NRXN3: variants seen among roughly 807,000 people sequenced by gnomAD.
NRXN3 encodes neurexin III.
A neutral mutation model predicts 137.6 loss-of-function variants in NRXN3; 32 were observed. The ratio of observed to expected loss-of-function variants is 0.23; its 90% CI spans 0.18 to 0.31. The LOEUF is 0.31. Among genes scored for constraint, NRXN3 ranks in the 10% least tolerant of loss-of-function variants. NRXN3 has a pLI of 1.00. For missense variants in NRXN3, 1,574 were observed against 2,062.5 expected, an observed-to-expected ratio of 0.76 and a Z score of 4.59; for synonymous variants, 798 against 784.5, an observed-to-expected ratio of 1.02 and a Z score of -0.29.
At chr14:79,034,950 A>T (rs1335840689) in intron 15 of NRXN3, among the ~76,000 whole-genome samples, 1 of 152,114 alleles carries the variant, frequency 6.6e-6, no homozygotes, top group Non-Finnish European at 1.5e-5. Context: ...ATCATCTGTG[A>T]GATTAACTTT....
intron 10 of NRXN3, among the ~76,000 whole-genome samples, chr14:78,812,505 T>G (rs1166127200): frequency 6.6e-6 from 1 of 152,194 alleles, no homozygotes; most frequent in Non-Finnish European, 1.5e-5. Context: ...ATATCAGAAT[T>G]TGCTTTTGCT....
intron 6 of NRXN3, among the ~76,000 whole-genome samples, chr14:78,660,836 C>T (rs1161244945): frequency 2.0e-5 from 3 of 152,144 alleles, no homozygotes. Context: ...AGCAGAATTC[C>T]TCATGTTCCT....
chr14:79,833,276 T>C (rs564226499), intron 20 of NRXN3, among the ~76,000 whole-genome samples: 1 of 152,270 alleles, frequency 6.6e-6, no homozygotes, highest in East Asian at 1.9e-4. Flanking sequence ...AGGCAAATTT[T>C]AGATTCGACT....
chr14:78,710,009 T>C (rs1026816471), intron 7 of NRXN3: 22 of 242,236 alleles, frequency 9.1e-5, no homozygotes, highest in African/African-American at 4.7e-4. Flanking sequence ...TTTTTCCTCA[T>C]CACCATGGAA....
At chr14:79,528,536 T>C (rs1006507896) in intron 16 of NRXN3, among the ~76,000 whole-genome samples, 4 of 152,144 alleles carry the variant, frequency 2.6e-5, no homozygotes, top group Admixed American at 6.5e-5. Flanking sequence ...TGGAATGATA[T>C]ATGTGTGTGT....
rs138638481 is a variant in NRXN3, at chr14:78,734,634, T to C, written c.2044+19495T>C. Among the ~76,000 whole-genome samples, 11 of 152,294 alleles carry C rather than the reference T, an allele frequency of 7.2e-5. No individual in the cohort carries two copies. The East Asian group carries it at 2.1e-3, about 29-fold the overall frequency. ...GAGAAGTATGGAGAGCCAGCCCTAG[T>C]TGAGGGGTGATCAGGGAAACAGCTC... is the stretch of plus-strand genomic sequence containing the variant. On this transcript the variant is annotated intron_variant, in intron 8 of 20. Transcript: ENST00000335750.
In NRXN3 at chr14:79,437,051, G is replaced by A. The variant is rs2095856350; in HGVS notation, c.3263-30170G>A. On this transcript the variant is annotated intron_variant, in intron 15 of 20. Coordinates refer to ENST00000335750, the MANE Select transcript of NRXN3 (RefSeq NM_001330195.2). ...TCTCCATGAATCACTAATCCATGGT[G>A]CTTAGTAGCATGTCAAAGGCCCTTC... 2.0e-5 allele frequency among the ~76,000 whole-genome samples: 3 copies of A among 152,054 alleles called. No homozygotes were observed. The South Asian group carries it at 6.2e-4, about 32-fold the overall frequency.
Position 79,866,068 on chromosome 14 carries a change from A to G in NRXN3, c.*4104A>G, listed in dbSNP as rs1320434285. ...TATTGGCTATTGTTACTTTGTTTCA[A>G]TGAAGGCAGAAAATGGCTAGAAGGA... On this transcript the variant is annotated 3_prime_UTR_variant, in exon 21 of 21. Transcript: ENST00000335750. 1 of 152,216 alleles carries G rather than the reference A, an allele frequency of 6.6e-6. No individual in the cohort carries two copies. The highest frequency in any genetic ancestry group is 1.5e-5 in the Non-Finnish European group (1 of 68,042). 9.4% of individuals were successfully genotyped at this position (152,216 alleles called of 1,614,324 possible).
intron 15 of NRXN3, among the ~76,000 whole-genome samples, chr14:79,355,211 A>G (rs2093374657): frequency 1.3e-5 from 2 of 152,074 alleles, no homozygotes; most frequent in African/African-American, 2.4e-5. Flanking sequence ...ATATTGGTAG[A>G]TGAAATGCTG....
chr14:79,298,516 T>G (rs1035449544), intron 15 of NRXN3, among the ~76,000 whole-genome samples: 1 of 152,022 alleles, frequency 6.6e-6, no homozygotes, highest in Admixed American at 6.6e-5. Context: ...TCAGAGGTCT[T>G]AACATTTTTT....
chr14:78,936,019 C>T (rs1048963123), intron 10 of NRXN3, among the ~76,000 whole-genome samples: 6 of 152,194 alleles, frequency 3.9e-5, no homozygotes, highest in Admixed American at 1.3e-4. Flanking sequence ...CTGGTCTTCA[C>T]GTAATCCGCT....
At chr14:78,446,799 G>A (rs2094432062) in intron 4 of NRXN3, among the ~76,000 whole-genome samples, 2 of 152,204 alleles carry the variant, frequency 1.3e-5, no homozygotes. Flanking sequence ...GGCTCAGAAG[G>A]GGAGGGGAAG....
chr14:78,719,108 A>C (rs377328534), intron 8 of NRXN3, among the ~76,000 whole-genome samples: 12 of 152,232 alleles, frequency 7.9e-5, no homozygotes, highest in African/African-American at 2.4e-4. Flanking sequence ...TTATTTGTAC[A>C]TCATGGAGCT....
chr14:78,830,765 G>A (rs73319773), intron 10 of NRXN3, among the ~76,000 whole-genome samples: 9,122 of 151,736 alleles, frequency 0.06, 532 homozygotes, highest in African/African-American at 0.15. Flanking sequence ...GTTGGCAGCA[G>A]CAAATATTGT....
chr14:78,550,163 T>C (rs908119364), intron 4 of NRXN3, among the ~76,000 whole-genome samples: 4 of 151,642 alleles, frequency 2.6e-5, no homozygotes. Flanking sequence ...GCCTCCTGAG[T>C]AGCTGGAACG....
At chr14:78,359,406 G>A (rs142220942) in intron 4 of NRXN3, among the ~76,000 whole-genome samples, 90 of 152,276 alleles carry the variant, frequency 5.9e-4, no homozygotes, top group African/African-American at 1.9e-3. Context: ...AGAGGGCCCC[G>A]TGCTCAGAAG....
rs193070922 is a variant in NRXN3, at chr14:79,185,181, T to G, written c.3262+197040T>G. Among the ~76,000 whole-genome samples, 76 of 152,292 alleles carry G rather than the reference T, an allele frequency of 5.0e-4. 3 individuals carry two copies. In the East Asian group the frequency reaches 0.012, roughly 24 times the overall value. On this transcript the variant is annotated intron_variant, in intron 15 of 20. Transcript: ENST00000335750. ...CTATTTTTTATTTCTAATAAGCTCG[T>G]GTCTTGAGCAGAAACACTAATACCC...
chr14:78,955,288 T>C (rs1247273154), intron 10 of NRXN3, among the ~76,000 whole-genome samples: 1 of 152,206 alleles, frequency 6.6e-6, no homozygotes, highest in Non-Finnish European at 1.5e-5. Flanking sequence ...CCACATGATG[T>C]GGTCCATTTT....
At chr14:78,691,210 T>C (rs183271110) in intron 6 of NRXN3, among the ~76,000 whole-genome samples, 1 of 152,288 alleles carries the variant, frequency 6.6e-6, no homozygotes, top group Admixed American at 6.5e-5. Context: ...ACATCAGTAA[T>C]ATTATTTTAG....
Sources: gnomAD v4.1 joint callset for allele counts (sites outside exome capture counted in the v4.1 genomes callset) on GRCh38, gnomAD v4.1.1 for gene constraint, MANE v1.5 for transcripts, NCBI Gene and HGNC (gene_info 2026-07-23, HGNC 2026-07-21) for gene names.